Variants in SEC24D observed in about 807,000 individuals in gnomAD.
SEC24D encodes protein transport protein Sec24D.
SEC24D carries 69 observed loss-of-function variants against 116.9 expected under a neutral mutation model. The ratio of observed to expected loss-of-function variants is 0.59; its 90% confidence interval spans 0.49 to 0.72. The LOEUF is 0.72. SEC24D is among the 30% of genes least tolerant of loss of function. The pLI, the probability that SEC24D is intolerant of heterozygous loss-of-function variation, is 0.00. For missense variants in SEC24D, 1,131 were observed against 1,264.1 expected, an observed-to-expected ratio of 0.89 and a Z score of 1.60; for synonymous variants, 405 against 442.8, an observed-to-expected ratio of 0.91 and a Z score of 1.07.
chr4:118,730,838 T>C lies in SEC24D; in HGVS notation c.2868+478A>G, dbSNP rs183773149. 6 of 156,776 alleles carry C rather than the reference T, an allele frequency of 3.8e-5. No homozygotes were observed. In the South Asian group the frequency reaches 5.7e-4, roughly 15 times the overall value. The allele number at this position is 156,776 out of a possible 1,614,324, so 9.7% of individuals were successfully genotyped here. ...GATTTAGTCTGTAGCCAAACACTTA[T>C]GAAAGATTTCTACATTCTTCTGAGT... is the stretch of plus-strand genomic sequence containing the variant. On this transcript the variant is annotated intron_variant, in intron 21 of 22. Coordinates refer to ENST00000280551, the MANE Select transcript of SEC24D (RefSeq NM_014822.4).
chr4:118,726,656 T>A (rs906510237), intron 22 of SEC24D, among the ~76,000 whole-genome samples: 3 of 152,078 alleles, frequency 2.0e-5, no homozygotes, highest in Admixed American at 1.3e-4. Context: ...ATCTAGAAAA[T>A]ACAAGTGGAA....
intron 22 of SEC24D, 106 bp downstream of exon 22, chr4:118,728,454 GT>G: frequency 1.5e-6 from 1 of 669,150 alleles, no homozygotes; most frequent in Non-Finnish European, 2.5e-6. Flanking sequence ...GATGGTGTGA[GT>G]TTTTAAAATC....
chr4:118,724,881 TC>T lies in SEC24D; in HGVS notation c.2959-1227del, dbSNP rs1578368243. ...AGGAGCGAGGGTATTTCTCACTTCTTCCTCTCAGGAGGTAAACCCACCAGAA... is the reference window on the plus strand; with the variant it reads ...AGGAGCGAGGGTATTTCTCACTTCTTCTCTCAGGAGGTAAACCCACCAGAA... On this transcript the variant is annotated intron_variant, in intron 22 of 22. Coordinates refer to ENST00000280551, the MANE Select transcript of SEC24D (RefSeq NM_014822.4). Among the ~76,000 whole-genome samples, 3 of 152,318 alleles carry T rather than the reference TC, an allele frequency of 2.0e-5. No homozygotes were observed. In the East Asian group the frequency reaches 5.8e-4, roughly 29 times the overall value.
At chr4:118,802,937 G>A (rs1365298686) in intron 7 of SEC24D, among the ~76,000 whole-genome samples, 1 of 152,138 alleles carries the variant, frequency 6.6e-6, no homozygotes, top group Non-Finnish European at 1.5e-5. Context: ...TCTGATATAC[G>A]CTACAAGGTA....
At chr4:118,771,647 G>C (rs182215736) in intron 8 of SEC24D, among the ~76,000 whole-genome samples, 1 of 152,112 alleles carries the variant, frequency 6.6e-6, no homozygotes, top group Non-Finnish European at 1.5e-5. Flanking sequence ...GTACTAAAAT[G>C]ATATCCAACA....
chr4:118,755,985 A>C (rs1381835375), intron 11 of SEC24D, among the ~76,000 whole-genome samples: 2 of 152,148 alleles, frequency 1.3e-5, no homozygotes, highest in Non-Finnish European at 2.9e-5. Flanking sequence ...CACCAAAGGA[A>C]AGAGTATGAT....
At chr4:118,739,814 TC>T (rs1317600701) in intron 17 of SEC24D, among the ~76,000 whole-genome samples, 1 of 152,222 alleles carries the variant, frequency 6.6e-6, no homozygotes, top group Non-Finnish European at 1.5e-5. Context: ...CAGCCTCTCT[TC>T]ATCCTTTAAA....
chr4:118,728,676 T>C, intron 21 of SEC24D, 26 bp from the exon 22 acceptor site: 1 of 1,342,440 alleles, frequency 7.4e-7, no homozygotes, highest in Non-Finnish European at 1.1e-6. Context: ...ATCAAAGTTT[T>C]AGTACAGTTT....
At chr4:118,827,255 C>T (rs1371037573) in intron 2 of SEC24D, among the ~76,000 whole-genome samples, 1 of 152,110 alleles carries the variant, frequency 6.6e-6, no homozygotes, top group Non-Finnish European at 1.5e-5. Flanking sequence ...TTGCACTTCA[C>T]CCCCAGGGCA....
At chr4:118,746,991 C>T (rs1176596003) in intron 13 of SEC24D, among the ~76,000 whole-genome samples, 1 of 151,934 alleles carries the variant, frequency 6.6e-6, no homozygotes, top group Non-Finnish European at 1.5e-5. Flanking sequence ...AATTTGTGTG[C>T]TGTGATCTTA....
chr4:118,776,919 C>G (rs1470731856), intron 8 of SEC24D, among the ~76,000 whole-genome samples: 2 of 152,006 alleles, frequency 1.3e-5, no homozygotes, highest in Non-Finnish European at 2.9e-5. Context: ...TTCCACTCCT[C>G]AAAGGAAAGT....
rs747331413 is a variant in SEC24D at position 118,752,770 on chromosome 4, C to A, written c.1540G>T (p.Val514Phe). ...AQPQMMVVTDVGEVFVPLLDG... is the reference protein window; with the variant it reads ...AQPQMMVVTDFGEVFVPLLDG... ...AACAAAGGAACAAAGACTTCTCCAA[C>A]ATCAGTCACCACCATCATCTGAGGC... is the stretch of plus-strand genomic sequence containing the variant. Residue 514 changes from valine (V) to phenylalanine (F), a missense_variant, in exon 12 of 23, where the codon GTT becomes TTT. Physicochemically the swap from Val to Phe is conservative, Grantham distance 50 (BLOSUM62 -1). Coordinates refer to ENST00000280551, the MANE Select transcript of SEC24D (RefSeq NM_014822.4). The A allele has an allele frequency of 6.2e-7, 1 of 1,612,210 alleles. No homozygotes were observed. Among genetic ancestry groups the A allele is most frequent in the African/African-American group, 1.3e-5 (1 of 74,800 alleles).
intron 7 of SEC24D, among the ~76,000 whole-genome samples, chr4:118,801,676 G>T (rs560346445): frequency 4.7e-4 from 72 of 152,162 alleles, no homozygotes; most frequent in African/African-American, 1.7e-3. Flanking sequence ...ATTGAAGCTG[G>T]ATATTTGTTA....
Position 118,732,914 on chromosome 4 carries a change from T to C in SEC24D, c.2497-2A>G, listed in dbSNP as rs750013231. 1.2e-6 allele frequency: 2 copies of C among 1,612,148 alleles called. No individual in the cohort carries two copies. The highest frequency in any genetic ancestry group is 1.7e-6 in the Non-Finnish European group (2 of 1,178,726). On this transcript the variant is annotated splice_acceptor_variant, in intron 19 of 22. Coordinates refer to ENST00000280551, the MANE Select transcript of SEC24D (RefSeq NM_014822.4). LOFTEE classifies it high-confidence loss of function. ...TTTCATGGAATCTGGTAGAATAAGC[T>C]GAAAAAGACAATTTTTTGTTTCATA...
At chr4:118,736,051 G>A (rs1266813270) in intron 19 of SEC24D, 3 of 112,066 alleles carry the variant, frequency 2.7e-5, no homozygotes, top group South Asian at 2.9e-4. Context: ...TTTTGCCCAC[G>A]CTGGAGTCGA....
chr4:118,806,446 A>C (rs2110514630), intron 6 of SEC24D, among the ~76,000 whole-genome samples: 1 of 151,592 alleles, frequency 6.6e-6, no homozygotes, highest in South Asian at 2.1e-4. Context: ...AGCCATTCCG[A>C]GTAGCTGGGA....
chr4:118,752,578 A>C, intron 12 of SEC24D, 119 bp downstream of exon 12: 1 of 665,484 alleles, frequency 1.5e-6, no homozygotes. Context: ...GAGTTTTATA[A>C]TCTGTGTCTT....
chr4:118,822,067 G>A (rs1730424837), intron 3 of SEC24D, among the ~76,000 whole-genome samples: 1 of 152,126 alleles, frequency 6.6e-6, no homozygotes, highest in Non-Finnish European at 1.5e-5. Flanking sequence ...GAGCTCGAAG[G>A]ACAGACAAGC....
intron 8 of SEC24D, among the ~76,000 whole-genome samples, chr4:118,797,011 C>T (rs561649782): frequency 6.6e-5 from 10 of 152,190 alleles, no homozygotes; most frequent in East Asian, 3.9e-4. Context: ...TGTTTCTGTG[C>T]GCATGTGGGC....
Sources: allele counts gnomAD v4.1 joint callset (sites outside exome capture counted in the v4.1 genomes callset), GRCh38; gene constraint gnomAD v4.1.1; transcripts MANE v1.5; gene names NCBI Gene and HGNC (gene_info 2026-07-23, HGNC 2026-07-21).